COL24A1: variants seen among roughly 807,000 people sequenced by gnomAD.
COL24A1 encodes the protein collagen type XXIV alpha 1 chain, also known as collagen alpha-1(XXIV) chain.
A neutral mutation model predicts 253.9 loss-of-function variants in COL24A1; 224 were observed. The ratio of observed to expected loss-of-function variants is 0.88; its 90% CI spans 0.79 to 0.99. The LOEUF (loss-of-function observed/expected upper bound fraction) is 0.99. Among genes scored for constraint, COL24A1 ranks in the 50% least tolerant of loss-of-function variants. The probability of loss-of-function intolerance (pLI) is 0.00; values close to 1 mark genes in which losing one functional copy is unlikely to be tolerated. For synonymous variants in COL24A1, 685 were observed against 673.7 expected (o/e 1.02, Z -0.26); for missense variants, 2,131 against 2,068.5 (o/e 1.03, Z -0.59).
At chr1:85,978,282 A>G (rs1264699591) in intron 20 of COL24A1, among the ~76,000 whole-genome samples, 1 of 152,164 alleles carries the variant, frequency 6.6e-6, no homozygotes, top group Non-Finnish European at 1.5e-5. Flanking sequence ...TCCTTAAAGC[A>G]TAAATCTCAC....
intron 35 of COL24A1, among the ~76,000 whole-genome samples, chr1:85,869,925 C>A (rs1233953420): frequency 1.3e-5 from 2 of 152,046 alleles, no homozygotes; most frequent in African/African-American, 4.8e-5. Flanking sequence ...GAGTCAAGAC[C>A]CATCAGTGTG....
intron 47 of COL24A1, among the ~76,000 whole-genome samples, chr1:85,787,309 C>T (rs1437331952): frequency 6.6e-6 from 1 of 151,980 alleles, no homozygotes; most frequent in African/African-American, 2.4e-5. Flanking sequence ...AACCCATCAC[C>T]TAGGTATTAA....
chr1:86,130,682 T>A (rs1318234504), intron 2 of COL24A1, among the ~76,000 whole-genome samples: 1 of 151,952 alleles, frequency 6.6e-6, no homozygotes, highest in Non-Finnish European at 1.5e-5. Context: ...ATCCTTATAT[T>A]TCTTTCATCT....
chr1:85,871,011 G>A (rs922335452), intron 35 of COL24A1, among the ~76,000 whole-genome samples: 9 of 151,920 alleles, frequency 5.9e-5, no homozygotes, highest in Non-Finnish European at 1.5e-5. Flanking sequence ...AATGATAAAG[G>A]GGTTATCACC....
intron 31 of COL24A1, among the ~76,000 whole-genome samples, chr1:85,889,998 A>G (rs1002851348): frequency 2.0e-5 from 3 of 152,130 alleles, no homozygotes; most frequent in Non-Finnish European, 4.4e-5. Context: ...TAGTGAGATC[A>G]TACAATATCT....
At chr1:85,870,239 A>T (rs563960260) in intron 35 of COL24A1, among the ~76,000 whole-genome samples, 38 of 152,294 alleles carry the variant, frequency 2.5e-4, no homozygotes, top group Non-Finnish European at 4.0e-4. Flanking sequence ...CTCCCACACA[A>T]TAATAATGGG....
At chr1:86,094,875 G>T (rs1243913730) in intron 5 of COL24A1, among the ~76,000 whole-genome samples, 1 of 151,898 alleles carries the variant, frequency 6.6e-6, no homozygotes, top group Non-Finnish European at 1.5e-5. Flanking sequence ...GATAAAAGAA[G>T]CAATAAAGCC....
At chr1:85,901,472 A>C (rs916417567) in intron 28 of COL24A1, among the ~76,000 whole-genome samples, 3 of 152,108 alleles carry the variant, frequency 2.0e-5, no homozygotes, top group African/African-American at 7.2e-5. Flanking sequence ...ATTATTACTA[A>C]TTCCATAGCC....
intron 17 of COL24A1, 96 bp downstream of exon 17, chr1:86,022,441 AC>A (rs1697632019): frequency 7.7e-7 from 1 of 1,294,592 alleles, no homozygotes; most frequent in Non-Finnish European, 1.1e-6. Flanking sequence ...TATTGATACC[AC>A]ATTCTAACAC....
chr1:86,004,174 C>G lies in COL24A1; in HGVS notation c.2310+12977G>C, dbSNP rs146979053. Among the ~76,000 whole-genome samples, 566 of 152,298 alleles carry G rather than the reference C, an allele frequency of 3.7e-3. 5 individuals carry two copies. Among genetic ancestry groups the G allele is most frequent in the African/African-American group, 0.013 (546 of 41,562 alleles). Reference sequence around the variant, plus strand: ...ATTCCACGAAGAAGGCAACCAGCTACTCGGTGGCAAATTTCTTACATTGGG... The same window carrying G: ...ATTCCACGAAGAAGGCAACCAGCTAGTCGGTGGCAAATTTCTTACATTGGG... On this transcript the variant is annotated intron_variant, in intron 19 of 59. Coordinates refer to ENST00000370571, the MANE Select transcript of COL24A1 (RefSeq NM_152890.7).
chr1:86,126,877 C>T (rs1169733542), intron 2 of COL24A1, among the ~76,000 whole-genome samples: 2 of 152,100 alleles, frequency 1.3e-5, no homozygotes, highest in Non-Finnish European at 1.5e-5. Flanking sequence ...TGATTTAGAA[C>T]TTAAAATTTA....
intron 3 of COL24A1, among the ~76,000 whole-genome samples, chr1:86,120,346 G>A (rs558547308): frequency 1.2e-4 from 19 of 152,254 alleles, no homozygotes; most frequent in African/African-American, 4.1e-4. Context: ...CCATCAGAGC[G>A]AACAGGAAAC....
At chr1:85,802,600 G>A (rs113729789) in intron 47 of COL24A1, among the ~76,000 whole-genome samples, 188 of 152,004 alleles carry the variant, frequency 1.2e-3, no homozygotes, top group African/African-American at 4.1e-3. Flanking sequence ...TAATTGACAC[G>A]AAGTAAATTT....
chr1:85,786,293 A>G, intron 48 of COL24A1, 61 bp downstream of exon 48: 1 of 1,413,892 alleles, frequency 7.1e-7, no homozygotes, highest in Admixed American at 1.8e-5. Context: ...CTAGCCAATG[A>G]ACTCAGGGCC....
In COL24A1 at chr1:86,031,905, A is replaced by G. The variant is rs1399776200; in HGVS notation, c.2022T>C (p.Thr674=). 10 of 1,609,412 alleles carry G rather than the reference A, an allele frequency of 6.2e-6. No individual in the cohort carries two copies. Among genetic ancestry groups the G allele is most frequent in the Non-Finnish European group, 7.6e-6 (9 of 1,177,660 alleles). The change falls in exon 14 of 60, where the codon ACT becomes ACC. Residue 674 remains threonine (T), a synonymous_variant. Coordinates refer to ENST00000370571, the MANE Select transcript of COL24A1 (RefSeq NM_152890.7). ...TAAGCCCAGGAAACCCCGGAGGACC[A>G]GTGCCACCTACAAGTCCCTATTGTA... is the stretch of plus-strand genomic sequence containing the variant. ...LDGSPGLVGG[T]GPPGFPGLRG... is the part of the protein sequence containing the mutation.
intron 24 of COL24A1, among the ~76,000 whole-genome samples, chr1:85,925,959 A>T (rs187330765): frequency 2.6e-5 from 4 of 152,318 alleles, no homozygotes; most frequent in Non-Finnish European, 5.9e-5. Context: ...ACTACAAAGA[A>T]CTTAAACAAA....
At chr1:85,812,358 A>AC (rs2101890934) in intron 47 of COL24A1, among the ~76,000 whole-genome samples, 1 of 152,178 alleles carries the variant, frequency 6.6e-6, no homozygotes, top group African/African-American at 2.4e-5. Flanking sequence ...AGGAGGAAAA[A>AC]CCTCAGGCCT....
chr1:85,854,110 G>C (rs551390453), intron 37 of COL24A1, among the ~76,000 whole-genome samples: 7 of 152,166 alleles, frequency 4.6e-5, no homozygotes, highest in Non-Finnish European at 7.3e-5. Context: ...TTATATTTAA[G>C]CATTTAATCC....
At chr1:85,864,380 T>C (rs1460323178) in intron 37 of COL24A1, among the ~76,000 whole-genome samples, 3 of 126,632 alleles carry the variant, frequency 2.4e-5, no homozygotes. Context: ...AAGGGGAACA[T>C]CACACACTGT....
Sources: gnomAD v4.1 joint callset for allele counts (sites outside exome capture counted in the v4.1 genomes callset) on GRCh38, gnomAD v4.1.1 for gene constraint, MANE v1.5 for transcripts, NCBI Gene and HGNC (gene_info 2026-07-23, HGNC 2026-07-21) for gene names.